The following KIF5B variants were observed in gnomAD, a reference collection of about 807,000 sequenced individuals.
The protein encoded by KIF5B is kinesin family member 5B.
In KIF5B, 49 loss-of-function variants were observed where a neutral mutation model predicts 132.8. The ratio of observed to expected loss-of-function variants is 0.37; its 90% confidence interval spans 0.29 to 0.47. The LOEUF (loss-of-function observed/expected upper bound fraction) is 0.47, where lower values mean the gene tolerates loss of function less well. Among genes scored for constraint, KIF5B ranks in the 20% least tolerant of loss-of-function variants. The pLI is 1.00. For missense variants in KIF5B, 780 were observed against 1,144.0 expected (o/e 0.68, Z 4.59); for synonymous variants, 355 against 369.4 (o/e 0.96, Z 0.45).
Position 32,018,561 on chromosome 10 carries a change from C to T in KIF5B, c.2308G>A (p.Val770Ile), listed in dbSNP as rs1404491644. Reference sequence around the variant, plus strand: ...GCTTGTTCTCGTCTATCTTGCATAACCCTAACAGTAGAAGAACAAACATAT... The same window carrying T: ...GCTTGTTCTCGTCTATCTTGCATAATCCTAACAGTAGAAGAACAAACATAT... Reference protein sequence around the residue: ...EKSRKLHELTVMQDRREQARQ... With the variant: ...EKSRKLHELTIMQDRREQARQ... The change falls in exon 21 of 26, where the codon GTT becomes ATT. Residue 770 changes from valine to isoleucine, a missense_variant and splice_region_variant. Val to Ile is a conservative substitution (Grantham distance 29, BLOSUM62 3). Coordinates refer to ENST00000302418, the MANE Select transcript of KIF5B (RefSeq NM_004521.3). 6.2e-7 allele frequency: 1 copy of T among 1,609,244 alleles called. No homozygotes were observed. Among genetic ancestry groups the T allele is most frequent in the Admixed American group, 1.7e-5 (1 of 59,482 alleles).
intron 13 of KIF5B, 76 bp downstream of exon 13, chr10:32,032,630 A>AAGACTTTGTCTTT: frequency 1.8e-6 from 2 of 1,129,950 alleles, no homozygotes; most frequent in Non-Finnish European, 2.7e-6. Context: ...ACAACTATTA[A>AAGACTTTGTCTTT]AGACAAAGTC....
chr10:32,025,642 CT>C (rs34428028), intron 15 of KIF5B, among the ~76,000 whole-genome samples: 1,699 of 152,296 alleles, frequency 0.011, 18 homozygotes, highest in South Asian at 0.017. Context: ...TCCCGAAGTG[CT>C]GGGATTACAG....
At chr10:32,015,320 CAATT>C (rs1443022785) in intron 25 of KIF5B, among the ~76,000 whole-genome samples, 185 bp downstream of exon 25, 1 of 152,038 alleles carries the variant, frequency 6.6e-6, no homozygotes, top group Non-Finnish European at 1.5e-5. Context: ...GATTTCAAAA[CAATT>C]AAGACCACAA....
In KIF5B at chr10:32,009,063, T is replaced by C. The variant is rs561047349; in HGVS notation, c.*2474A>G. On this transcript the variant is annotated 3_prime_UTR_variant, in exon 26 of 26. Coordinates refer to ENST00000302418, the MANE Select transcript of KIF5B (RefSeq NM_004521.3). ...TTAAACATAAAACGCATTTACAACA[T>C]GCAAGTTAACTTAAAATTAAACGGT... is the stretch of plus-strand genomic sequence containing the variant. 3.3e-5 allele frequency: 5 copies of C among 152,304 alleles called. No individual in the cohort carries two copies. The East Asian group carries it at 7.7e-4, about 23-fold the overall frequency. 9.4% of individuals were successfully genotyped at this position (152,304 alleles called of 1,614,324 possible). A position where few individuals can be genotyped will look rare whatever the true frequency, so the allele number is the denominator to read the frequency against.
Position 32,037,500 on chromosome 10 carries a change from C to A in KIF5B, c.586+20G>T, listed in dbSNP as rs751594241. 6.3e-7 allele frequency: 1 copy of A among 1,597,678 alleles called. No homozygotes were observed. Among genetic ancestry groups the A allele is most frequent in the Non-Finnish European group, 8.6e-7 (1 of 1,165,558 alleles). On this transcript the variant is annotated intron_variant, in intron 7 of 25. Coordinates refer to ENST00000302418, the MANE Select transcript of KIF5B (RefSeq NM_004521.3). ...TTTTAAGCTGGTTTTAAATCCTAAC[C>A]AGTGTTATTTTCTACTTACTTGTAA...
intron 15 of KIF5B, among the ~76,000 whole-genome samples, chr10:32,024,550 G>A (rs1176254854): frequency 4.6e-5 from 7 of 151,128 alleles, no homozygotes; most frequent in Admixed American, 3.3e-4. Flanking sequence ...GATCACCTGA[G>A]GTCAGGAGTT....
At chr10:32,054,760 A>C (rs960120330) in intron 1 of KIF5B, among the ~76,000 whole-genome samples, 4 of 152,212 alleles carry the variant, frequency 2.6e-5, no homozygotes, top group African/African-American at 9.6e-5. Flanking sequence ...GCCATACTTT[A>C]CAATTAATTT....
At position 32,019,958 on chromosome 10, in the gene KIF5B, G is replaced by C; in HGVS notation, c.2206C>G (p.Gln736Glu). ...KAKLITDLQD[Q>E]NQKMMLEQER... ...TGCTCTAACATCATTTTCTGGTTTT[G>C]GCTGACGAAAGAAAAAAATAATTAA... Residue 736 changes from glutamine (Q) to glutamate (E), a missense_variant and splice_region_variant, in exon 20 of 26, where the codon CAA becomes GAA. Coordinates refer to ENST00000302418, the MANE Select transcript of KIF5B (RefSeq NM_004521.3). 1 of 1,593,538 alleles carries C rather than the reference G, an allele frequency of 6.3e-7. No individual in the cohort carries two copies. Among genetic ancestry groups the C allele is most frequent in the South Asian group, 1.1e-5 (1 of 87,284 alleles).
At chr10:32,050,858 C>T (rs1592455870) in intron 1 of KIF5B, among the ~76,000 whole-genome samples, 1 of 152,184 alleles carries the variant, frequency 6.6e-6, no homozygotes, top group Non-Finnish European at 1.5e-5. Flanking sequence ...TCATGGTGAA[C>T]AATTCTGAAA....
At chr10:32,034,110 AAT>A (rs1841434552) in intron 11 of KIF5B, 72 bp from the exon 12 acceptor site, 29 of 1,005,962 alleles carry the variant, frequency 2.9e-5, no homozygotes, top group East Asian at 1.1e-4. Context: ...TTCCTTTAAA[AAT>A]TTTTTTTTTT....
chr10:32,041,223 A>G (rs1440846657), intron 2 of KIF5B, among the ~76,000 whole-genome samples: 3 of 152,026 alleles, frequency 2.0e-5, no homozygotes, highest in Non-Finnish European at 4.4e-5. Context: ...TGCTAATATG[A>G]AAGACTCCAT....
chr10:32,041,046 T>G (rs1346910214), intron 2 of KIF5B, among the ~76,000 whole-genome samples: 1 of 144,702 alleles, frequency 6.9e-6, no homozygotes, highest in African/African-American at 2.6e-5. Context: ...CTCGAAAGAC[T>G]AAGGCACAAA....
chr10:32,024,071 A>G (rs920339795), intron 15 of KIF5B, among the ~76,000 whole-genome samples: 1 of 149,116 alleles, frequency 6.7e-6, no homozygotes, highest in Non-Finnish European at 1.5e-5. Flanking sequence ...AAACAAAAAA[A>G]AAAAAACAAG....
intron 25 of KIF5B, among the ~76,000 whole-genome samples, chr10:32,012,298 C>A (rs1364936697): frequency 6.6e-6 from 1 of 152,120 alleles, no homozygotes; most frequent in African/African-American, 2.4e-5. Flanking sequence ...CATGGCAAAA[C>A]CCCGTCTCTA....
intron 2 of KIF5B, among the ~76,000 whole-genome samples, chr10:32,041,364 A>G (rs1841536963): frequency 6.6e-6 from 1 of 152,198 alleles, no homozygotes; most frequent in African/African-American, 2.4e-5. Flanking sequence ...ATTAAGAAAC[A>G]AATTTTAAAT....
intron 24 of KIF5B, 51 bp downstream of exon 24, chr10:32,017,092 G>T (rs1841181141): frequency 8.3e-6 from 12 of 1,438,036 alleles, no homozygotes; most frequent in Non-Finnish European, 1.2e-5. Context: ...TCCACTAAAT[G>T]AAAGCATTCA....
chr10:32,038,341 A>G, intron 5 of KIF5B, 123 bp from the exon 6 acceptor site: 2 of 697,898 alleles, frequency 2.9e-6, no homozygotes, highest in Non-Finnish European at 5.0e-6. Context: ...ACATATTAAA[A>G]CATTGCTCTA....
intron 1 of KIF5B, among the ~76,000 whole-genome samples, chr10:32,054,852 G>T (rs566862333): frequency 6.6e-6 from 1 of 151,834 alleles, no homozygotes; most frequent in African/African-American, 2.4e-5. Context: ...TCACATTCTG[G>T]TCTCACTGAT....
chr10:32,026,926 T>G (rs1165304166), intron 15 of KIF5B, among the ~76,000 whole-genome samples: 1 of 152,230 alleles, frequency 6.6e-6, no homozygotes, highest in East Asian at 1.9e-4. Flanking sequence ...GTGAGTCCAC[T>G]GAAGAAATAA....
Sources: allele counts gnomAD v4.1 joint callset (sites outside exome capture counted in the v4.1 genomes callset), GRCh38; gene constraint gnomAD v4.1.1; transcripts MANE v1.5; gene names NCBI Gene and HGNC (gene_info 2026-07-23, HGNC 2026-07-21).